DOT1L: variants seen among roughly 807,000 people sequenced by gnomAD.
The protein encoded by DOT1L is histone-lysine N-methyltransferase, H3 lysine-79 specific.
A neutral mutation model predicts 153.3 loss-of-function variants in DOT1L; 33 were observed. That is an observed-to-expected ratio of 0.22 (90% CI 0.16 to 0.29). The LOEUF is 0.29. Ranked by LOEUF, DOT1L falls within the 10% of genes least tolerant of loss-of-function variation. The probability of loss-of-function intolerance (pLI) is 1.00; values close to 1 mark genes in which losing one functional copy is unlikely to be tolerated. For synonymous variants in DOT1L, 1,135 were observed against 965.1 expected, an observed-to-expected ratio of 1.18 and a Z score of -3.26; for missense variants, 1,847 against 2,119.9, an observed-to-expected ratio of 0.87 and a Z score of 2.53.
At chr19:2,174,292 A>C (rs1432521631) in intron 1 of DOT1L, among the ~76,000 whole-genome samples, 1 of 152,188 alleles carries the variant, frequency 6.6e-6, no homozygotes, top group Non-Finnish European at 1.5e-5. Flanking sequence ...CTCAGCCAGG[A>C]AGCAACATGC....
intron 7 of DOT1L, among the ~76,000 whole-genome samples, chr19:2,198,026 G>A (rs956976488): frequency 1.3e-5 from 2 of 152,196 alleles, no homozygotes; most frequent in African/African-American, 4.8e-5. Context: ...CCAGACCCCC[G>A]CTTCCTATGG....
intron 1 of DOT1L, among the ~76,000 whole-genome samples, chr19:2,164,720 C>T (rs1038229803): frequency 5.9e-5 from 9 of 152,110 alleles, no homozygotes; most frequent in Non-Finnish European, 1.0e-4. Flanking sequence ...TTTTCCTACT[C>T]GGGCACGGCG....
intron 1 of DOT1L, among the ~76,000 whole-genome samples, chr19:2,178,781 G>A (rs986195899): frequency 1.3e-5 from 2 of 152,054 alleles, no homozygotes; most frequent in African/African-American, 4.8e-5. Context: ...TAGCCAGGAT[G>A]GTCTCTATCT....
Position 2,231,157 on chromosome 19 carries a change from T to C in DOT1L, c.*1365T>C. On this transcript the variant is annotated 3_prime_UTR_variant, in exon 28 of 28. Coordinates refer to ENST00000398665, the MANE Select transcript of DOT1L (RefSeq NM_032482.3). ...TGGGTTGTCTGAGCAGTGGTGGCTC[T>C]GTGCCCTCCCTGGAGGATGGGATCT... 1 of 227,636 alleles carries C rather than the reference T, an allele frequency of 4.4e-6. No individual in the cohort carries two copies. The highest frequency in any genetic ancestry group is 8.7e-6 in the Non-Finnish European group (1 of 114,512). The allele number at this position is 227,636 out of a possible 1,614,324, so 14.1% of individuals were successfully genotyped here.
At position 2,226,112 on chromosome 19, in the gene DOT1L, C is replaced by A; in HGVS notation, c.3662-71C>A. The A allele has an allele frequency of 2.1e-6, 3 of 1,453,138 alleles. No homozygotes were observed. In the South Asian group the frequency reaches 4.4e-5, roughly 21 times the overall value. The allele number at this position is 1,453,138 out of a possible 1,614,324, so 90.0% of individuals were successfully genotyped here. A position where few individuals can be genotyped will look rare whatever the true frequency, so the allele number is the denominator to read the frequency against. On this transcript the variant is annotated intron_variant, in intron 26 of 27. Coordinates refer to ENST00000398665, the MANE Select transcript of DOT1L (RefSeq NM_032482.3). ...AGAGTTGCCCGGGCCGTGGCAGCAGCCCCGGTTAGCCTCATGGGTAGCCCG... is the reference window on the plus strand; with the variant it reads ...AGAGTTGCCCGGGCCGTGGCAGCAGACCCGGTTAGCCTCATGGGTAGCCCG...
At chr19:2,173,849 C>G (rs1443369530) in intron 1 of DOT1L, among the ~76,000 whole-genome samples, 2 of 152,224 alleles carry the variant, frequency 1.3e-5, no homozygotes, top group Non-Finnish European at 1.5e-5. Context: ...AGCTTCCTCT[C>G]ACAGCTTCAC....
chr19:2,168,847 C>G (rs908380214), intron 1 of DOT1L, among the ~76,000 whole-genome samples: 1 of 152,172 alleles, frequency 6.6e-6, no homozygotes. Context: ...AACTCCTGAC[C>G]TTGTCATCTA....
rs2023674126 is a variant in DOT1L, at chr19:2,210,641, G to C, written c.1137G>C (p.Glu379Asp). Residue 379 changes from glutamate to aspartate, a missense_variant, in exon 14 of 28, where the codon GAG becomes GAC. By Grantham distance (45) the Glu-to-Asp change is conservative. This residue lies in a region of DOT1L where 205 missense variants were observed against 203.1 expected (regional missense o/e 1.01). Coordinates refer to ENST00000398665, the MANE Select transcript of DOT1L (RefSeq NM_032482.3). ...TCCAGGACTCTGGTGCTGAGGAAGA[G>C]AAGGCGGGAGCAGCCACCGTGAAGA... ...DAPMDSGAEEEKAGAATVKKP... is the reference protein window; with the variant it reads ...DAPMDSGAEEDKAGAATVKKP... 1 of 1,612,730 alleles carries C rather than the reference G, an allele frequency of 6.2e-7. No individual in the cohort carries two copies. Among genetic ancestry groups the C allele is most frequent in the South Asian group, 1.1e-5 (1 of 91,088 alleles).
At chr19:2,219,690 A>T (rs577081558) in intron 22 of DOT1L, among the ~76,000 whole-genome samples, 1 of 152,280 alleles carries the variant, frequency 6.6e-6, no homozygotes, top group East Asian at 1.9e-4. Flanking sequence ...GGTGTGGGGA[A>T]GTGCAGTGGG....
At chr19:2,229,709 C>T in intron 27 of DOT1L, 76 bp from the exon 28 acceptor site, 2 of 1,609,958 alleles carry the variant, frequency 1.2e-6, no homozygotes, top group African/African-American at 1.3e-5. Flanking sequence ...CCTCGGTCCC[C>T]AGCCTGGGTG....
At position 2,217,138 on chromosome 19, in the gene DOT1L, GGC is replaced by G. The variant is rs1468816994; in HGVS notation, c.2544+50_2544+51del. 3.3e-6 allele frequency: 5 copies of G among 1,524,090 alleles called. No individual in the cohort carries two copies. The African/African-American group carries it at 6.9e-5, about 21-fold the overall frequency. The allele number at this position is 1,524,090 out of a possible 1,614,324, so 94.4% of individuals were successfully genotyped here. On this transcript the variant is annotated intron_variant, in intron 21 of 27. Coordinates refer to ENST00000398665, the MANE Select transcript of DOT1L (RefSeq NM_032482.3). The surrounding 1 kb of genome is among the most constrained non-coding windows in gnomAD (Gnocchi z 7.3). Reference sequence around the variant, plus strand: ...CGGGCTCAGGGAGGTGCTCAGCAGAGGCGGCCTGAGCGAGTTGCTAGCAGGAG... The same window carrying G: ...CGGGCTCAGGGAGGTGCTCAGCAGAGGGCCTGAGCGAGTTGCTAGCAGGAG...
In DOT1L at chr19:2,187,877, G is replaced by A. The variant is rs190873373; in HGVS notation, c.201-1855G>A. 3.7e-3 allele frequency among the ~76,000 whole-genome samples: 564 copies of A among 150,504 alleles called. 3 individuals are homozygous for A. The highest frequency in any genetic ancestry group is 8.3e-3 in the East Asian group (42 of 5,078). On this transcript the variant is annotated intron_variant, in intron 3 of 27. Coordinates refer to ENST00000398665, the MANE Select transcript of DOT1L (RefSeq NM_032482.3). ...GCGGAGCTTGCAGTGAGCTGAGATCGCGCCACCGCACTCCAGCCTGGGTGA... is the reference window on the plus strand; with the variant it reads ...GCGGAGCTTGCAGTGAGCTGAGATCACGCCACCGCACTCCAGCCTGGGTGA...
chr19:2,226,429 C>A lies in DOT1L; in HGVS notation c.3908C>A (p.Ala1303Asp), dbSNP rs540044548. The change falls in exon 27 of 28, where the codon GCT becomes GAT. Residue 1303 changes from alanine to aspartate, a missense_variant. Physicochemically the swap from Ala to Asp is moderately radical, Grantham distance 126. Transcript: ENST00000398665. ...GGCTTTCCCGGCTCCCTGTCGGGGGCTGACGGACTCAGCCCGGGCACCAAC... is the reference window on the plus strand; with the variant it reads ...GGCTTTCCCGGCTCCCTGTCGGGGGATGACGGACTCAGCCCGGGCACCAAC... ...RKGFPGSLSG[A>D]DGLSPGTNPA... 1 of 1,600,940 alleles carries A rather than the reference C, an allele frequency of 6.2e-7. No homozygotes were observed. Among genetic ancestry groups the A allele is most frequent in the Admixed American group, 1.7e-5 (1 of 59,832 alleles).
chr19:2,217,159 G>T lies in DOT1L; in HGVS notation c.2544+69G>T. ...CAGAGGCGGCCTGAGCGAGTTGCTA[G>T]CAGGAGGGCTTGTCCTAGTTGACCT... is the stretch of plus-strand genomic sequence containing the variant. On this transcript the variant is annotated intron_variant, in intron 21 of 27. Coordinates refer to ENST00000398665, the MANE Select transcript of DOT1L (RefSeq NM_032482.3). The surrounding 1 kb of genome is among the most constrained non-coding windows in gnomAD (Gnocchi z 7.3). 6.7e-7 allele frequency: 1 copy of T among 1,488,980 alleles called. No individual in the cohort carries two copies. The highest frequency in any genetic ancestry group is 8.9e-7 in the Non-Finnish European group (1 of 1,122,362). The allele number at this position is 1,488,980 out of a possible 1,614,324, so 92.2% of individuals were successfully genotyped here.
rs2024173491 is a variant in DOT1L, at chr19:2,222,744, C to G, written c.3390+185C>G. 2 of 635,846 alleles carry G rather than the reference C, an allele frequency of 3.1e-6. No individual in the cohort carries two copies. The highest frequency in any genetic ancestry group is 6.4e-5 in the Admixed American group (2 of 31,362). The allele number at this position is 635,846 out of a possible 1,614,324, so 39.4% of individuals were successfully genotyped here. A position where few individuals can be genotyped will look rare whatever the true frequency, so the allele number is the denominator to read the frequency against. ...TGAAACCCCGTCTCTACCAAAAATA[C>G]AAAAGATTAGCCGGGCGTGGTGGCG... is the stretch of plus-strand genomic sequence containing the variant. On this transcript the variant is annotated intron_variant, in intron 24 of 27. Coordinates refer to ENST00000398665, the MANE Select transcript of DOT1L (RefSeq NM_032482.3). The surrounding 1 kb of genome is among the most constrained non-coding windows in gnomAD (Gnocchi z 6.5).
intron 3 of DOT1L, 77 bp downstream of exon 3, chr19:2,186,006 T>A: frequency 7.3e-7 from 1 of 1,369,548 alleles, no homozygotes; most frequent in Non-Finnish European, 1.0e-6. Flanking sequence ...ACGCATCCTA[T>A]AATTAGCTCT....
intron 27 of DOT1L, chr19:2,227,622 C>A (rs117292860): frequency 0.12 from 137,265 of 1,145,746 alleles, 8,899 homozygotes; most frequent in Middle Eastern, 0.17. Flanking sequence ...GCTTGGTGCC[C>A]GCACACGCCT....
rs539277479 is a variant in DOT1L at position 2,216,592 on chromosome 19, G to A, written c.2235G>A (p.Gln745=). Residue 745 remains glutamine, a synonymous_variant, in exon 20 of 28, where the codon CAG becomes CAA. Transcript: ENST00000398665. ...TPQYLASPLD[Q]EVVPCTPSHV... Reference sequence around the variant, plus strand: ...AGTACCTGGCCTCACCCCTGGACCAGGAGGTGGTGCCCTGTACCCCTAGCC... The same window carrying A: ...AGTACCTGGCCTCACCCCTGGACCAAGAGGTGGTGCCCTGTACCCCTAGCC... 2.5e-6 allele frequency: 4 copies of A among 1,608,236 alleles called. No homozygotes were observed. The highest frequency in any genetic ancestry group is 1.1e-5 in the South Asian group (1 of 91,080).
In DOT1L at chr19:2,211,109, A is replaced by G. The variant is rs1187771484; in HGVS notation, c.1362A>G (p.Arg454=). The G allele has an allele frequency of 2.5e-6, 4 of 1,612,594 alleles. No individual in the cohort carries two copies. Among genetic ancestry groups the G allele is most frequent in the Non-Finnish European group, 1.7e-6 (2 of 1,179,522 alleles). ...CCTCCGCTCTCCCAGATGCCTACAGATCCCCTCACAGCCCGTTCTACCAGC... is the reference window on the plus strand; with the variant it reads ...CCTCCGCTCTCCCAGATGCCTACAGGTCCCCTCACAGCCCGTTCTACCAGC... The part of the protein sequence containing the change: ...TAASSPQDAY[R]SPHSPFYQLP... Residue 454 remains arginine, a synonymous_variant, in exon 15 of 28, where the codon AGA becomes AGG. Coordinates refer to ENST00000398665, the MANE Select transcript of DOT1L (RefSeq NM_032482.3).
Sources: allele counts gnomAD v4.1 joint callset (sites outside exome capture counted in the v4.1 genomes callset), GRCh38; gene constraint gnomAD v4.1.1; regional missense constraint gnomAD v4.1.1; non-coding constraint Gnocchi (gnomAD v3.1); transcripts MANE v1.5; gene names NCBI Gene and HGNC (gene_info 2026-07-23, HGNC 2026-07-21).